The following ARSF variants were observed in gnomAD, a reference collection of about 807,000 sequenced individuals.
The protein encoded by ARSF is arylsulfatase F.
A neutral mutation model predicts 35.4 loss-of-function variants in ARSF; 33 were observed. The observed-to-expected ratio is 0.93, with a 90% CI of 0.71 to 1.25. The LOEUF (loss-of-function observed/expected upper bound fraction) is 1.25, where lower values mean the gene tolerates loss of function less well. Among genes scored for constraint, ARSF ranks in the 50% most tolerant of loss-of-function variants. The pLI is 0.00. For synonymous variants in ARSF, 222 were observed against 193.1 expected (o/e 1.15, Z -1.24); for missense variants, 501 against 480.2 (o/e 1.04, Z -0.40).
intron 4 of ARSF, 22 bp from the exon 5 acceptor site, chrX:3,080,869 C>A: frequency 2.5e-6 from 3 of 1,206,967 alleles, no homozygotes; most frequent in Non-Finnish European, 3.4e-6. Context: ...ACTCATTGTA[C>A]TTTTTTCCAC....
intron 7 of ARSF, among the ~76,000 whole-genome samples, chrX:3,096,062 G>A (rs755745600): frequency 9.3e-6 from 1 of 107,537 alleles, no homozygotes; most frequent in African/African-American, 3.3e-5. Flanking sequence ...AAATACATTT[G>A]TTTTTGTATA....
At chrX:3,072,907 A>C (rs1218377899) in intron 3 of ARSF, among the ~76,000 whole-genome samples, 1 of 103,074 alleles carries the variant, frequency 9.7e-6, no homozygotes, top group Non-Finnish European at 1.9e-5. Context: ...AACATATATG[A>C]ATATATTTAT....
chrX:3,098,806 T>C (rs985523950), intron 7 of ARSF, among the ~76,000 whole-genome samples: 8 of 111,552 alleles, frequency 7.2e-5, no homozygotes. Context: ...ATTGGTGGTC[T>C]TTATTTTCCT....
intron 7 of ARSF, among the ~76,000 whole-genome samples, chrX:3,096,819 C>T (rs960862696): frequency 2.7e-5 from 3 of 110,976 alleles, no homozygotes; most frequent in African/African-American, 9.8e-5. Flanking sequence ...ACTTACATCC[C>T]CCCAAAAAGG....
intron 7 of ARSF, among the ~76,000 whole-genome samples, chrX:3,091,243 C>T (rs1290125085): frequency 8.9e-6 from 1 of 111,850 alleles, no homozygotes; most frequent in Non-Finnish European, 1.9e-5. Context: ...AAAGAGAAAT[C>T]ATATTTTCAG....
chrX:3,092,262 C>A (rs944159926), intron 7 of ARSF, among the ~76,000 whole-genome samples: 14 of 111,280 alleles, frequency 1.3e-4, no homozygotes, highest in African/African-American at 3.6e-4. Flanking sequence ...TTTCTGCCTC[C>A]ACCAGCACTA....
At chrX:3,087,407 C>T (rs920694741) in intron 6 of ARSF, among the ~76,000 whole-genome samples, 11 of 105,839 alleles carry the variant, frequency 1.0e-4, no homozygotes, top group Non-Finnish European at 1.4e-4. Flanking sequence ...GGCTTGTAGC[C>T]GCATCACTCC....
chrX:3,110,061 C>T, intron 9 of ARSF, 67 bp from the exon 10 acceptor site: 1 of 1,048,827 alleles, frequency 9.5e-7, no homozygotes, highest in Non-Finnish European at 1.3e-6. Flanking sequence ...AAGTACCCTT[C>T]AGGTAGCTTG....
In ARSF at chrX:3,084,364, C is replaced by G; in HGVS notation, c.528C>G (p.Asp176Glu). 1 of 1,211,646 alleles carries G rather than the reference C, an allele frequency of 8.3e-7. No individual in the cohort carries two copies. Among genetic ancestry groups the G allele is most frequent in the Non-Finnish European group, 1.1e-6 (1 of 895,479 alleles). The change falls in exon 6 of 11, where the codon GAC (aspartate) becomes GAG (glutamate). Residue 176 changes from aspartate to glutamate, a missense_variant. By Grantham distance (45) the Asp-to-Glu change is conservative. Coordinates refer to ENST00000381127, the MANE Select transcript of ARSF (RefSeq NM_001201539.2). Reference sequence around the variant, plus strand: ...CTCTCGTTGACAGCTGCTGGCCGGACCCCTCTCGTAACACGGAATTAGCCT... The same window carrying G: ...CTCTCGTTGACAGCTGCTGGCCGGAGCCCTCTCGTAACACGGAATTAGCCT... ...PFTLVDSCWP[D>E]PSRNTELAFE...
upstream of ARSF, among the ~76,000 whole-genome samples, chrX:3,040,473 G>A (rs575079560): frequency 2.2e-4 from 25 of 111,354 alleles, no homozygotes; most frequent in South Asian, 9.6e-3. Flanking sequence ...GTTTGGTGGT[G>A]CATTCTAAAT....
chrX:3,049,297 C>T (rs1188220426), intron 1 of ARSF, among the ~76,000 whole-genome samples: 1 of 84,684 alleles, frequency 1.2e-5, no homozygotes, highest in African/African-American at 4.7e-5. Context: ...GCATTCTTTT[C>T]GGTCTTTGAT....
Position 3,112,329 on chromosome X carries a change from T to C in ARSF, c.1546T>C (p.Ser516Pro), listed in dbSNP as rs1272571920. 1 of 1,208,158 alleles carries C rather than the reference T, an allele frequency of 8.3e-7. No individual in the cohort carries two copies. The highest frequency in any genetic ancestry group is 1.1e-6 in the Non-Finnish European group (1 of 894,767). The part of the protein sequence containing the change: ...LFDLSRDPSE[S>P]TPLTPATEPL... The stretch of plus-strand genomic sequence containing the variant: ...CGATCTCTCCAGGGACCCCTCAGAG[T>C]CCACACCCCTGACACCTGCCACAGA... Residue 516 changes from serine to proline, a missense_variant, in exon 11 of 11, where the codon TCC becomes CCC. Transcript: ENST00000381127.
At chrX:3,073,687 A>AT (rs2090125827) in intron 3 of ARSF, among the ~76,000 whole-genome samples, 1 of 101,247 alleles carries the variant, frequency 9.9e-6, no homozygotes, top group Non-Finnish European at 2.0e-5. Context: ...ATTAATAAAT[A>AT]TATATTATAA....
Position 3,101,368 on chromosome X carries a change from C to T in ARSF, c.1102+147C>T, listed in dbSNP as rs1603465055. On this transcript the variant is annotated intron_variant, in intron 8 of 10. Transcript: ENST00000381127. ...ACTCTTAGTAAAATGAAGTATTGGA[C>T]CAAGGTCAAGAAAATTGGTCTTACA... 5 of 696,613 alleles carry T rather than the reference C, an allele frequency of 7.2e-6. No individual in the cohort carries two copies. In the East Asian group the frequency reaches 1.8e-4, roughly 25 times the overall value. The allele number at this position is 696,613 out of a possible 1,213,427, so 57.4% of individuals were successfully genotyped here.
At chrX:3,080,220 A>T (rs1426914968) in intron 4 of ARSF, among the ~76,000 whole-genome samples, 1 of 110,202 alleles carries the variant, frequency 9.1e-6, no homozygotes, top group Non-Finnish European at 1.9e-5. Flanking sequence ...TCATGCCTGT[A>T]ATCCCAGCAC....
intron 6 of ARSF, among the ~76,000 whole-genome samples, chrX:3,086,299 C>T: frequency 8.9e-6 from 1 of 112,294 alleles, no homozygotes; most frequent in Non-Finnish European, 1.9e-5. Context: ...ACTTGAAGAA[C>T]AGATCCTATG....
chrX:3,086,390 GA>G (rs1427216677), intron 6 of ARSF, among the ~76,000 whole-genome samples: 4 of 112,155 alleles, frequency 3.6e-5, no homozygotes, highest in Non-Finnish European at 7.5e-5. Flanking sequence ...ATATTGAATG[GA>G]AAAAACAATG....
At chrX:3,070,938 G>GGTGTGTGT (rs36129786) in intron 2 of ARSF, among the ~76,000 whole-genome samples, 1 of 95,174 alleles carries the variant, frequency 1.1e-5, no homozygotes, top group African/African-American at 3.9e-5. Context: ...AGTATTCCAT[G>GGTGTGTGT]GTGTGTGTGT....
At chrX:3,069,169 A>G (rs188158933) in intron 2 of ARSF, among the ~76,000 whole-genome samples, 67 of 111,663 alleles carry the variant, frequency 6.0e-4, no homozygotes, top group African/African-American at 2.1e-3. Context: ...AAAACTATGA[A>G]GTGGACTCAG....
Sources: gnomAD v4.1 joint callset for allele counts (sites outside exome capture counted in the v4.1 genomes callset) on GRCh38, gnomAD v4.1.1 for gene constraint, MANE v1.5 for transcripts, NCBI Gene and HGNC (gene_info 2026-07-23, HGNC 2026-07-21) for gene names.